CNOT7: variants seen among roughly 807,000 people sequenced by gnomAD.
CNOT7 encodes the protein BTG1-binding factor 1.
A neutral mutation model predicts 37.1 loss-of-function variants in CNOT7; 4 were observed. The observed-to-expected ratio is 0.11, with a 90% confidence interval of 0.05 to 0.25. The LOEUF is 0.25. Ranked by LOEUF, CNOT7 falls within the 10% of genes least tolerant of loss-of-function variation. CNOT7 has a pLI of 1.00. For missense variants in CNOT7, 170 were observed against 336.2 expected, an observed-to-expected ratio of 0.51 and a Z score of 3.87; for synonymous variants, 128 against 115.6, an observed-to-expected ratio of 1.11 and a Z score of -0.69.
intron 3 of CNOT7, chr8:17,242,176 A>G (rs900522219): frequency 2.6e-5 from 4 of 152,030 alleles, no homozygotes; most frequent in African/African-American, 9.7e-5. Context: ...TGCACACTCC[A>G]CTCAGGTAGT....
intron 3 of CNOT7, chr8:17,241,700 A>G (rs867586280): frequency 4.6e-5 from 7 of 152,342 alleles, no homozygotes; most frequent in Admixed American, 1.3e-4. Flanking sequence ...AACGTTATCA[A>G]TAAGTTCTTG....
chr8:17,236,683 C>G (rs1809407007), intron 4 of CNOT7, among the ~76,000 whole-genome samples: 1 of 152,184 alleles, frequency 6.6e-6, no homozygotes, highest in African/African-American at 2.4e-5. Context: ...TTATCACTAT[C>G]TAACAAATCA....
chr8:17,241,701 T>C (rs1449361526), intron 3 of CNOT7: 1 of 152,162 alleles, frequency 6.6e-6, no homozygotes. Flanking sequence ...ACGTTATCAA[T>C]AAGTTCTTGG....
In CNOT7 at chr8:17,227,571, C is replaced by T. The variant is rs1026207852; in HGVS notation, c.*3149G>A. 3 of 151,854 alleles carry T rather than the reference C, an allele frequency of 2.0e-5. No individual in the cohort carries two copies. Among genetic ancestry groups the T allele is most frequent in the African/African-American group, 7.2e-5 (3 of 41,402 alleles). 9.4% of individuals were successfully genotyped at this position (151,854 alleles called of 1,614,324 possible). On this transcript the variant is annotated 3_prime_UTR_variant, in exon 7 of 7. Transcript: ENST00000361272. ...TTTCTTTGCTTGGCTAACAAATAGG[C>T]TACTTGTAAACATTTTGGTTGCAGC...
Position 17,226,670 on chromosome 8 carries a change from T to G in CNOT7, c.*4050A>C, listed in dbSNP as rs564508750. 16 of 151,920 alleles carry G rather than the reference T, an allele frequency of 1.1e-4. No individual in the cohort carries two copies. Among genetic ancestry groups the G allele is most frequent in the South Asian group, 6.2e-4 (3 of 4,830 alleles). The allele number at this position is 151,920 out of a possible 1,614,324, so 9.4% of individuals were successfully genotyped here. ...AAAATATATCCACTAAAAATGGATT[T>G]GGCAATACAGCGCTGTTTTGACTTC... On this transcript the variant is annotated 3_prime_UTR_variant, in exon 7 of 7. Transcript: ENST00000361272.
At chr8:17,232,167 T>G in intron 6 of CNOT7, 2 of 1,195,490 alleles carry the variant, frequency 1.7e-6, no homozygotes, top group Non-Finnish European at 2.1e-6. Flanking sequence ...ATAATATGGT[T>G]GGACCTACAT....
chr8:17,239,769 A>G (rs891871630), intron 3 of CNOT7, among the ~76,000 whole-genome samples: 2 of 152,264 alleles, frequency 1.3e-5, no homozygotes, highest in African/African-American at 2.4e-5. Flanking sequence ...CTGGGATTAC[A>G]GGCGTGAGCC....
At chr8:17,243,219 A>G in intron 2 of CNOT7, 34 bp from the exon 3 acceptor site, 1 of 1,497,040 alleles carries the variant, frequency 6.7e-7, no homozygotes, top group Non-Finnish European at 9.0e-7. Context: ...TTATGTACTA[A>G]ACAGTCAAAA....
At chr8:17,243,264 T>C (rs1810435705) in intron 2 of CNOT7, 79 bp from the exon 3 acceptor site, 1 of 1,108,558 alleles carries the variant, frequency 9.0e-7, no homozygotes, top group Admixed American at 2.4e-5. Flanking sequence ...TTGATGCAAA[T>C]CAAAGAATCC....
At chr8:17,235,927 C>T (rs73200909) in intron 4 of CNOT7, among the ~76,000 whole-genome samples, 13,276 of 152,048 alleles carry the variant, frequency 0.087, 659 homozygotes, top group South Asian at 0.18. Flanking sequence ...GCCTAGTGCA[C>T]TGTATTTTGT....
chr8:17,235,157 A>G (rs1809180735), intron 4 of CNOT7, among the ~76,000 whole-genome samples: 1 of 152,220 alleles, frequency 6.6e-6, no homozygotes, highest in Non-Finnish European at 1.5e-5. Flanking sequence ...TGAATAGAGA[A>G]CACCAAGAAG....
In CNOT7 at chr8:17,228,461, C is replaced by T. The variant is rs1361225308; in HGVS notation, c.*2259G>A. On this transcript the variant is annotated 3_prime_UTR_variant, in exon 7 of 7. Transcript: ENST00000361272. Reference sequence around the variant, plus strand: ...CAATGAGGTTACATCTGAAAAAATACTAAGATGCATTTAATGCAGGCAACA... The same window carrying T: ...CAATGAGGTTACATCTGAAAAAATATTAAGATGCATTTAATGCAGGCAACA... 6.6e-6 allele frequency: 1 copy of T among 151,884 alleles called. No homozygotes were observed. Among genetic ancestry groups the T allele is most frequent in the Non-Finnish European group, 1.5e-5 (1 of 67,846 alleles). The allele number at this position is 151,884 out of a possible 1,614,324, so 9.4% of individuals were successfully genotyped here.
At chr8:17,235,716 T>C (rs1809262183) in intron 4 of CNOT7, among the ~76,000 whole-genome samples, 10 of 152,200 alleles carry the variant, frequency 6.6e-5, no homozygotes, top group Admixed American at 6.5e-4. Context: ...TAAAAGATTA[T>C]ATTAGCGCTT....
intron 6 of CNOT7, chr8:17,231,870 A>G: frequency 1.0e-5 from 10 of 985,898 alleles, no homozygotes; most frequent in Non-Finnish European, 1.2e-5. Flanking sequence ...ACTACGTTGG[A>G]TTTATTTGAT....
At chr8:17,233,235 A>C (rs1315227754) in intron 5 of CNOT7, among the ~76,000 whole-genome samples, 1 of 152,236 alleles carries the variant, frequency 6.6e-6, no homozygotes, top group Non-Finnish European at 1.5e-5. Context: ...CGTGAAGGAA[A>C]GAAACACCAA....
chr8:17,230,642 C>T lies in CNOT7; in HGVS notation c.*78G>A, dbSNP rs867823494. On this transcript the variant is annotated 3_prime_UTR_variant, in exon 7 of 7. Transcript: ENST00000361272. ...GGGGGGAAAGGTACTGTCTATTGTT[C>T]GAGGGATTCAACCAGAGATAAAACC... 4.7e-6 allele frequency: 6 copies of T among 1,285,802 alleles called. No individual in the cohort carries two copies. The highest frequency in any genetic ancestry group is 4.2e-6 in the Non-Finnish European group (4 of 951,366). 79.6% of individuals were successfully genotyped at this position (1,285,802 alleles called of 1,614,324 possible). A position where few individuals can be genotyped will look rare whatever the true frequency, so the allele number is the denominator to read the frequency against.
chr8:17,236,991 T>G lies in CNOT7; in HGVS notation c.473+221A>C, dbSNP rs573052054. ...CACTTTTTAGAGAACCTGTACTGTT[T>G]CCACTATGCAACATGCTTCTCACAG... On this transcript the variant is annotated intron_variant, in intron 4 of 6. Coordinates refer to ENST00000361272, the MANE Select transcript of CNOT7 (RefSeq NM_013354.7). 5.9e-5 allele frequency among the ~76,000 whole-genome samples: 9 copies of G among 152,316 alleles called. No individual in the cohort carries two copies. In the East Asian group the frequency reaches 1.7e-3, roughly 29 times the overall value.
Position 17,229,730 on chromosome 8 carries a change from C to T in CNOT7, c.*990G>A, listed in dbSNP as rs1156875439. 1.3e-5 allele frequency: 2 copies of T among 150,894 alleles called. No individual in the cohort carries two copies. Among genetic ancestry groups the T allele is most frequent in the African/African-American group, 4.9e-5 (2 of 40,918 alleles). 9.3% of individuals were successfully genotyped at this position (150,894 alleles called of 1,614,324 possible). On this transcript the variant is annotated 3_prime_UTR_variant, in exon 7 of 7. Transcript: ENST00000361272. ...ACTATGAAAGCACAATTTTTGTCTT[C>T]TAATTTAATTTGGTACAAAATATAC...
Position 17,229,226 on chromosome 8 carries a change from CATTT to C in CNOT7, c.*1490_*1493del, listed in dbSNP as rs1421143251. ...CCAAAAGAAAATCACCAGTCATCAA[CATTT>C]ATAAGAAAACATTTTGAAGCCTTTA... On this transcript the variant is annotated 3_prime_UTR_variant, in exon 7 of 7. Transcript: ENST00000361272. 6.6e-6 allele frequency: 1 copy of C among 151,932 alleles called. No homozygotes were observed. Among genetic ancestry groups the C allele is most frequent in the African/African-American group, 2.4e-5 (1 of 41,440 alleles). 9.4% of individuals were successfully genotyped at this position (151,932 alleles called of 1,614,324 possible).
Sources: allele counts gnomAD v4.1 joint callset (sites outside exome capture counted in the v4.1 genomes callset), GRCh38; gene constraint gnomAD v4.1.1; transcripts MANE v1.5; gene names NCBI Gene and HGNC (gene_info 2026-07-23, HGNC 2026-07-21).